AVEN: variants seen among roughly 807,000 people sequenced by gnomAD.
AVEN encodes the protein cell death regulator Aven.
AVEN carries 41 observed loss-of-function variants against 38.1 expected under a neutral mutation model. The ratio of observed to expected loss-of-function variants is 1.08; its 90% CI spans 0.84 to 1.40. AVEN has a LOEUF of 1.40. Among genes scored for constraint, AVEN ranks in the 40% most tolerant of loss-of-function variants. The pLI, the probability that AVEN is intolerant of heterozygous loss-of-function variation, is 0.00. For synonymous variants in AVEN, 206 were observed against 171.8 expected, an observed-to-expected ratio of 1.20 and a Z score of -1.56; for missense variants, 605 against 438.8, an observed-to-expected ratio of 1.38 and a Z score of -3.38.
rs1442055644 is a variant in AVEN, at chr15:34,038,926, C to CGCCGCCGCCTCTGGCT, written c.105_120dup (p.Gly41SerfsTer56). ...CCGCCTCCGTCCCCGCCGCCGCCTCCGCCGCCGCCTCTGGCTACCGCCGCT... is the reference window on the plus strand; with the variant it reads ...CCGCCTCCGTCCCCGCCGCCGCCTCCGCCGCCGCCTCTGGCTGCCGCCGCCTCTGGCTACCGCCGCT... On this transcript the variant is annotated frameshift_variant, in exon 1 of 6. Transcript: ENST00000306730. LOFTEE classifies it high-confidence loss of function. 4 of 929,050 alleles carry CGCCGCCGCCTCTGGCT rather than the reference C, an allele frequency of 4.3e-6. No individual in the cohort carries two copies. The highest frequency in any genetic ancestry group is 4.0e-6 in the Non-Finnish European group (3 of 754,236). The allele number at this position is 929,050 out of a possible 1,614,324, so 57.6% of individuals were successfully genotyped here.
chr15:33,997,919 C>T (rs1487638259), intron 2 of AVEN, among the ~76,000 whole-genome samples: 2 of 152,092 alleles, frequency 1.3e-5, no homozygotes, highest in Non-Finnish European at 2.9e-5. Flanking sequence ...TCATGTGGGC[C>T]CCTATTGTCA....
At chr15:33,917,751 C>T (rs1038263013) in intron 2 of AVEN, among the ~76,000 whole-genome samples, 4 of 152,112 alleles carry the variant, frequency 2.6e-5, no homozygotes, top group Non-Finnish European at 4.4e-5. Context: ...AACTAAACGT[C>T]ATATGTTCTC....
chr15:33,865,911 G>C (rs1415384435), downstream of AVEN: 1 of 152,510 alleles, frequency 6.6e-6, no homozygotes, highest in Non-Finnish European at 1.5e-5. Flanking sequence ...AGTTTTTTTA[G>C]TAACAGCTGT....
At chr15:33,857,902 CG>C, downstream of AVEN, 1 of 1,614,102 alleles carries the variant, frequency 6.2e-7, no homozygotes, top group Non-Finnish European at 8.5e-7. Context: ...TGAAGTGCGA[CG>C]ACATGATGAC....
In AVEN at chr15:34,038,876, CCGGCCA is replaced by C. The variant is rs1035895081; in HGVS notation, c.165_170del (p.Arg57_Gly58del). On this transcript the variant is annotated inframe_deletion, in exon 1 of 6. Transcript: ENST00000306730. ...GGCCTCCGCGAGCGCCGCGGAAGCCCCGGCCACGGCCACGGCCCCGGCGTCCGCCTC... is the reference window on the plus strand; with the variant it reads ...GGCCTCCGCGAGCGCCGCGGAAGCCCCGGCCACGGCCCCGGCGTCCGCCTC... The C allele has an allele frequency of 2.6e-5, 30 of 1,145,330 alleles. No individual in the cohort carries two copies. The highest frequency in any genetic ancestry group is 2.3e-4 in the African/African-American group (14 of 60,166). 70.9% of individuals were successfully genotyped at this position (1,145,330 alleles called of 1,614,324 possible). A position where few individuals can be genotyped will look rare whatever the true frequency, so the allele number is the denominator to read the frequency against.
upstream of AVEN, among the ~76,000 whole-genome samples, chr15:34,042,834 A>G (rs1036952247): frequency 8.5e-5 from 13 of 152,342 alleles, no homozygotes; most frequent in Admixed American, 3.9e-4. Context: ...TCTGGGGATG[A>G]GGCCCAGTAA....
At chr15:33,957,257 A>G (rs1024952518) in intron 2 of AVEN, among the ~76,000 whole-genome samples, 1 of 152,170 alleles carries the variant, frequency 6.6e-6, no homozygotes, top group Non-Finnish European at 1.5e-5. Flanking sequence ...GGTCACTGTT[A>G]TTTAGCCACA....
chr15:33,865,337 C>A, downstream of AVEN: 1 of 750,620 alleles, frequency 1.3e-6, no homozygotes, highest in Non-Finnish European at 2.1e-6. Flanking sequence ...TAAATGCCTC[C>A]CTTAAAAAAA....
the AVEN span, chr15:33,853,023 C>G: frequency 1.3e-6 from 2 of 1,596,944 alleles, no homozygotes; most frequent in Non-Finnish European, 1.7e-6. Flanking sequence ...GAAGAACCAA[C>G]CTTTTTCGTT....
intron 2 of AVEN, among the ~76,000 whole-genome samples, chr15:33,952,767 T>G (rs944896229): frequency 3.3e-5 from 5 of 151,638 alleles, no homozygotes; most frequent in African/African-American, 1.2e-4. Flanking sequence ...TATGTCTGAA[T>G]GCCTAATAGG....
At chr15:33,883,499 A>T (rs1891577160) in intron 2 of AVEN, among the ~76,000 whole-genome samples, 1 of 152,116 alleles carries the variant, frequency 6.6e-6, no homozygotes, top group African/African-American at 2.4e-5. Context: ...GTATGTACTG[A>T]CACAGAAAGA....
At chr15:33,870,301 T>C (rs1208512252) in intron 4 of AVEN, among the ~76,000 whole-genome samples, 1 of 152,166 alleles carries the variant, frequency 6.6e-6, no homozygotes, top group Non-Finnish European at 1.5e-5. Context: ...ACATGCAGAC[T>C]TACCCCCACA....
chr15:33,963,167 TA>T (rs1260647507), intron 2 of AVEN, among the ~76,000 whole-genome samples: 1 of 152,272 alleles, frequency 6.6e-6, no homozygotes, highest in East Asian at 1.9e-4. Context: ...TTAAATTCCA[TA>T]ATAATTATGA....
At chr15:33,873,089 CTTTTCTTTTTTTT>C (rs1430131221) in intron 3 of AVEN, among the ~76,000 whole-genome samples, 2 of 138,118 alleles carry the variant, frequency 1.4e-5, no homozygotes, top group African/African-American at 5.5e-5. Flanking sequence ...TCTACTTTTC[CTTTTCTTTTTTTT>C]TTTTTTTTTT....
chr15:33,854,504 A>T, downstream of AVEN: 1 of 1,410,580 alleles, frequency 7.1e-7, no homozygotes, highest in Middle Eastern at 1.8e-4. Flanking sequence ...GGGATGCCAC[A>T]GAGAAGCAAG....
In AVEN at chr15:33,890,944, C is replaced by T. The variant is rs145565047; in HGVS notation, c.446-14949G>A. Among the ~76,000 whole-genome samples, 1,212 of 152,110 alleles carry T rather than the reference C, an allele frequency of 8.0e-3. 14 individuals carry two copies. Among genetic ancestry groups the T allele is most frequent in the African/African-American group, 0.027 (1,117 of 41,522 alleles). On this transcript the variant is annotated intron_variant, in intron 2 of 5. Transcript: ENST00000306730. ...GCAACATAGTGAGAACTCATCACTA[C>T]CAAAAATTTAAAGAATTAGCGGAGC...
At chr15:33,892,224 G>A (rs1223453939) in intron 2 of AVEN, among the ~76,000 whole-genome samples, 2 of 152,008 alleles carry the variant, frequency 1.3e-5, no homozygotes, top group Admixed American at 6.6e-5. Flanking sequence ...GAAGCTCTTT[G>A]GTTTAATTAG....
intron 2 of AVEN, among the ~76,000 whole-genome samples, chr15:33,982,178 T>C (rs1384464947): frequency 6.6e-6 from 1 of 151,624 alleles, no homozygotes; most frequent in Non-Finnish European, 1.5e-5. Flanking sequence ...TAAATAAGAG[T>C]TATTTTAACA....
At chr15:34,039,691 A>T (rs1256514333), upstream of AVEN, among the ~76,000 whole-genome samples, 4 of 152,238 alleles carry the variant, frequency 2.6e-5, no homozygotes, top group African/African-American at 9.6e-5. Context: ...AAAGGGCGTC[A>T]AAGTCCTCAG....
Sources: gnomAD v4.1 joint callset for allele counts (sites outside exome capture counted in the v4.1 genomes callset) on GRCh38, gnomAD v4.1.1 for gene constraint, MANE v1.5 for transcripts, NCBI Gene and HGNC (gene_info 2026-07-23, HGNC 2026-07-21) for gene names.